TMEM255B: variants seen among roughly 807,000 people sequenced by gnomAD.
TMEM255B encodes the protein family with sequence similarity 70, member B.
TMEM255B carries 35 observed loss-of-function variants against 34.5 expected under a neutral mutation model. That is an observed-to-expected ratio of 1.01 (90% CI 0.77 to 1.34). TMEM255B has a LOEUF of 1.34. Among genes scored for constraint, TMEM255B ranks in the 40% most tolerant of loss-of-function variants. The pLI is 0.00. For synonymous variants in TMEM255B, 206 were observed against 201.2 expected (o/e 1.02, Z -0.20); for missense variants, 432 against 433.2 (o/e 1.00, Z 0.02).
At chr13:113,777,248 T>C (rs995554770) in intron 3 of TMEM255B, among the ~76,000 whole-genome samples, 2 of 152,118 alleles carry the variant, frequency 1.3e-5, no homozygotes, top group Non-Finnish European at 2.9e-5. Flanking sequence ...TGTCTCCCTC[T>C]AGCTCTGTCT....
At position 113,814,933 on chromosome 13, in the gene TMEM255B, C is replaced by T. The variant is rs1328840464; in HGVS notation, c.*3030C>T. 1 of 151,778 alleles carries T rather than the reference C, an allele frequency of 6.6e-6. No individual in the cohort carries two copies. Among genetic ancestry groups the T allele is most frequent in the Non-Finnish European group, 1.5e-5 (1 of 68,000 alleles). The allele number at this position is 151,778 out of a possible 1,614,324, so 9.4% of individuals were successfully genotyped here. The stretch of plus-strand genomic sequence containing the variant: ...CTGGGGGGTTTGGGGTGCTGTGGCC[C>T]CACCTGCACTCCCTGCCTCACTGGG... On this transcript the variant is annotated 3_prime_UTR_variant, in exon 9 of 9. Coordinates refer to ENST00000375353, the MANE Select transcript of TMEM255B (RefSeq NM_182614.4).
At chr13:113,803,704 G>GC (rs1317958924) in intron 7 of TMEM255B, among the ~76,000 whole-genome samples, 1 of 152,100 alleles carries the variant, frequency 6.6e-6, no homozygotes, top group Non-Finnish European at 1.5e-5. Flanking sequence ...CACCTCGGCT[G>GC]CCCCCCTGCT....
chr13:113,767,553 A>G (rs902053225), intron 2 of TMEM255B, among the ~76,000 whole-genome samples: 4 of 152,276 alleles, frequency 2.6e-5, no homozygotes, highest in Admixed American at 2.6e-4. Context: ...AATGAAAAAC[A>G]TCAATGGCTA....
intron 1 of TMEM255B, chr13:113,761,061 G>A: frequency 4.3e-6 from 2 of 460,270 alleles, no homozygotes; most frequent in Non-Finnish European, 2.9e-6. Flanking sequence ...CACTACCCTG[G>A]GCATGTGTAA....
rs1262079442 is a variant in TMEM255B at position 113,806,445 on chromosome 13, C to T, written c.813+1417C>T. On this transcript the variant is annotated intron_variant, in intron 8 of 8. Coordinates refer to ENST00000375353, the MANE Select transcript of TMEM255B (RefSeq NM_182614.4). The surrounding 1 kb of genome is among the most constrained non-coding windows in gnomAD (Gnocchi z 4.2). ...ACATCTCCTCGTGGAGGGATCCCTGCACCTCATACCTCAGTCTCCCCTCTC... is the reference window on the plus strand; with the variant it reads ...ACATCTCCTCGTGGAGGGATCCCTGTACCTCATACCTCAGTCTCCCCTCTC... 1.3e-5 allele frequency among the ~76,000 whole-genome samples: 2 copies of T among 152,130 alleles called. No homozygotes were observed. The highest frequency in any genetic ancestry group is 2.9e-5 in the Non-Finnish European group (2 of 68,008).
intron 3 of TMEM255B, among the ~76,000 whole-genome samples, chr13:113,772,547 C>T (rs1456824514): frequency 2.0e-5 from 3 of 152,184 alleles, no homozygotes; most frequent in African/African-American, 7.2e-5. Context: ...AGTTTTAACT[C>T]TTCCATCTGG....
intron 3 of TMEM255B, among the ~76,000 whole-genome samples, chr13:113,777,290 C>T (rs1408506238): frequency 1.3e-5 from 2 of 152,040 alleles, no homozygotes; most frequent in African/African-American, 4.8e-5. Flanking sequence ...CTCTGTCTCC[C>T]TCTCTATCTC....
chr13:113,800,834 G>A lies in TMEM255B; in HGVS notation c.431G>A (p.Cys144Tyr), dbSNP rs1307311718. 1 of 1,606,974 alleles carries A rather than the reference G, an allele frequency of 6.2e-7. No individual in the cohort carries two copies. Among genetic ancestry groups the A allele is most frequent in the Non-Finnish European group, 8.5e-7 (1 of 1,177,260 alleles). The change falls in exon 6 of 9, where the codon TGT becomes TAT. Residue 144 changes from cysteine (C) to tyrosine (Y), a missense_variant. By Grantham distance (194) the Cys-to-Tyr change is radical. Coordinates refer to ENST00000375353, the MANE Select transcript of TMEM255B (RefSeq NM_182614.4). ...LYDVYQTEVT[C>Y]HSLDGKCQLK... ...AAGGCCTCTCTGCCCCAGGTCACCT[G>A]TCACTCCCTGGACGGCAAGTGCCAG...
intron 3 of TMEM255B, among the ~76,000 whole-genome samples, chr13:113,783,697 GGGTGACT>G (rs1159437437): frequency 1.3e-5 from 2 of 152,122 alleles, no homozygotes; most frequent in Non-Finnish European, 2.9e-5. Flanking sequence ...GTTTCTGAAT[GGGTGACT>G]GGTGGAGAAG....
chr13:113,785,006 A>G (rs1205781364), intron 3 of TMEM255B, among the ~76,000 whole-genome samples: 1 of 152,240 alleles, frequency 6.6e-6, no homozygotes, highest in Admixed American at 6.5e-5. Context: ...GTTCTCTCTT[A>G]TATAAGGGTA....
rs761389268 is a variant in TMEM255B at position 113,795,208 on chromosome 13, G to A, written c.313G>A (p.Val105Met). The A allele has an allele frequency of 1.8e-5, 29 of 1,613,726 alleles. 1 individual carries two copies. Among genetic ancestry groups the A allele is most frequent in the South Asian group, 1.1e-4 (10 of 91,090 alleles). Residue 105 changes from valine to methionine, a missense_variant, in exon 4 of 9, where the codon GTG (valine) becomes ATG (methionine). Transcript: ENST00000375353. ...GVVAAFCCAI[V>M]DGVFAAQHIE... is the part of the protein sequence containing the mutation. ...GGTGGCCGCCTTCTGCTGCGCCATC[G>A]TGGACGGCGTATTTGCAGCACAGCA...
intron 4 of TMEM255B, among the ~76,000 whole-genome samples, chr13:113,797,352 A>C (rs1407055883): frequency 1.3e-5 from 2 of 152,238 alleles, no homozygotes; most frequent in Non-Finnish European, 2.9e-5. Context: ...ACAGATGGTG[A>C]ATTACAGCTC....
At position 113,799,767 on chromosome 13, in the gene TMEM255B, G is replaced by A. The variant is rs1594157950; in HGVS notation, c.423+348G>A. The A allele has an allele frequency of 2.9e-5, 20 of 683,448 alleles. No individual in the cohort carries two copies. The East Asian group carries it at 5.9e-4, about 20-fold the overall frequency. 42.3% of individuals were successfully genotyped at this position (683,448 alleles called of 1,614,324 possible). A position where few individuals can be genotyped will look rare whatever the true frequency, so the allele number is the denominator to read the frequency against. ...ATTTACAGTGTCCGAGAAACTTCTG[G>A]ATTTCCCTGAGCCACCGACAGCGGC... On this transcript the variant is annotated intron_variant, in intron 5 of 8. Coordinates refer to ENST00000375353, the MANE Select transcript of TMEM255B (RefSeq NM_182614.4).
At chr13:113,761,238 C>G in intron 1 of TMEM255B, 1 of 985,380 alleles carries the variant, frequency 1.0e-6, no homozygotes, top group Non-Finnish European at 1.2e-6. Flanking sequence ...CCCTTCCAAG[C>G]AGTGCCACCT....
At chr13:113,774,407 C>T (rs536413830) in intron 3 of TMEM255B, among the ~76,000 whole-genome samples, 19 of 152,196 alleles carry the variant, frequency 1.2e-4, no homozygotes, top group Non-Finnish European at 2.5e-4. Flanking sequence ...TGTAACCTGG[C>T]ACAGTCCCAT....
intron 3 of TMEM255B, among the ~76,000 whole-genome samples, chr13:113,793,216 C>G (rs2050860898): frequency 6.6e-6 from 1 of 152,252 alleles, no homozygotes; most frequent in African/African-American, 2.4e-5. Flanking sequence ...CCCTCTGCCC[C>G]CTCGCACAGC....
intron 4 of TMEM255B, among the ~76,000 whole-genome samples, chr13:113,797,083 G>A (rs561453625): frequency 2.0e-5 from 3 of 152,310 alleles, no homozygotes; most frequent in South Asian, 2.1e-4. Flanking sequence ...CCGTGGCCCC[G>A]CCGAGGAGCA....
intron 2 of TMEM255B, 171 bp from the exon 3 acceptor site, chr13:113,768,927 C>T (rs9604527): frequency 0.15 from 110,722 of 714,994 alleles, 10,522 homozygotes; most frequent in African/African-American, 0.32. Flanking sequence ...GCCTGCCCAA[C>T]GCCAGCAGAC....
At chr13:113,759,347 C>T (rs1336609221) in intron 1 of TMEM255B, 32 bp downstream of exon 1, 3 of 1,229,006 alleles carry the variant, frequency 2.4e-6, no homozygotes, top group Non-Finnish European at 3.0e-6. Flanking sequence ...CGTCTCGGCT[C>T]CTGCGGGGGA....
Sources: gnomAD v4.1 joint callset for allele counts (sites outside exome capture counted in the v4.1 genomes callset) on GRCh38, gnomAD v4.1.1 for gene constraint, Gnocchi (gnomAD v3.1) non-coding constraint, MANE v1.5 for transcripts, NCBI Gene and HGNC (gene_info 2026-07-23, HGNC 2026-07-21) for gene names.